Variants in KIF26B observed in about 807,000 individuals in gnomAD.
KIF26B encodes kinesin family member 26B, also known as kinesin-like protein KIF26B.
In KIF26B, 63 loss-of-function variants were observed where a neutral mutation model predicts 151.2. The observed-to-expected ratio is 0.42, with a 90% confidence interval of 0.34 to 0.51. The LOEUF (loss-of-function observed/expected upper bound fraction) is 0.51. Ranked by LOEUF, KIF26B falls within the 20% of genes least tolerant of loss-of-function variation. The probability of loss-of-function intolerance (pLI) is 0.07; values close to 1 mark genes in which losing one functional copy is unlikely to be tolerated. For missense variants in KIF26B, 2,813 were observed against 2,913.6 expected (o/e 0.97, Z 0.79); for synonymous variants, 1,357 against 1,262.1 (o/e 1.08, Z -1.59).
chr1:245,647,424 C>A (rs373683730), intron 10 of KIF26B, among the ~76,000 whole-genome samples: 261 of 96,492 alleles, frequency 2.7e-3, no homozygotes, highest in South Asian at 7.2e-3. Context: ...GACTCCTTCT[C>A]AAAAAAAAAA....
At chr1:245,173,581 G>A (rs1668751225) in intron 2 of KIF26B, among the ~76,000 whole-genome samples, 2 of 152,166 alleles carry the variant, frequency 1.3e-5, no homozygotes, top group Admixed American at 1.3e-4. Flanking sequence ...AAGAAGCTCA[G>A]TGAGGTTAGA....
At chr1:245,169,012 T>C (rs769918825) in intron 2 of KIF26B, among the ~76,000 whole-genome samples, 31 of 152,218 alleles carry the variant, frequency 2.0e-4, no homozygotes, top group Non-Finnish European at 4.0e-4. Context: ...ATTCAGGGAA[T>C]ATAGCTATTA....
chr1:245,550,445 G>A (rs1173735801), intron 5 of KIF26B, among the ~76,000 whole-genome samples: 1 of 152,210 alleles, frequency 6.6e-6, no homozygotes, highest in East Asian at 1.9e-4. Context: ...CTCCCAGGCC[G>A]ACCCTGGCTC....
chr1:245,172,573 G>A (rs1280712465), intron 2 of KIF26B, among the ~76,000 whole-genome samples: 2 of 152,148 alleles, frequency 1.3e-5, no homozygotes, highest in African/African-American at 2.4e-5. Context: ...AATTTAGGAG[G>A]CCGAGGCGGG....
intron 2 of KIF26B, among the ~76,000 whole-genome samples, chr1:245,165,160 G>C (rs1440107991): frequency 6.6e-6 from 1 of 152,008 alleles, no homozygotes; most frequent in Non-Finnish European, 1.5e-5. Context: ...GCCCCTTGCA[G>C]TGGCTTGAGT....
intron 2 of KIF26B, among the ~76,000 whole-genome samples, chr1:245,157,131 T>A (rs1040565244): frequency 3.9e-5 from 6 of 152,208 alleles, no homozygotes; most frequent in Non-Finnish European, 7.3e-5. Flanking sequence ...GTCCATCCTT[T>A]CCGCGGTTGC....
intron 6 of KIF26B, among the ~76,000 whole-genome samples, chr1:245,607,087 AAATG>A (rs2043463812): frequency 1.3e-5 from 2 of 151,542 alleles, no homozygotes; most frequent in African/African-American, 2.4e-5. Context: ...AAAAAAAAAA[AAATG>A]AGGAAGGTGT....
intron 10 of KIF26B, among the ~76,000 whole-genome samples, chr1:245,658,069 T>G (rs1352802811): frequency 6.6e-6 from 1 of 152,200 alleles, no homozygotes; most frequent in Non-Finnish European, 1.5e-5. Context: ...ACCACCTAAG[T>G]ATGTGTCCCC....
intron 5 of KIF26B, among the ~76,000 whole-genome samples, chr1:245,550,363 T>G (rs1200116703): frequency 1.3e-5 from 2 of 152,244 alleles, no homozygotes; most frequent in Non-Finnish European, 2.9e-5. Context: ...CGCTGAGTTC[T>G]TTTCTCCTGG....
intron 5 of KIF26B, among the ~76,000 whole-genome samples, chr1:245,599,012 C>T (rs1415457932): frequency 6.6e-6 from 1 of 152,076 alleles, no homozygotes; most frequent in African/African-American, 2.4e-5. Flanking sequence ...GGGGAGAAGG[C>T]CGTGCCTGTT....
chr1:245,274,223 T>C (rs1426296669), intron 2 of KIF26B, among the ~76,000 whole-genome samples: 3 of 152,152 alleles, frequency 2.0e-5, no homozygotes, highest in African/African-American at 7.2e-5. Context: ...TTTTTTATAC[T>C]TTTGTCTTTT....
intron 12 of KIF26B, among the ~76,000 whole-genome samples, chr1:245,697,490 C>G (rs1247443509): frequency 6.6e-6 from 1 of 152,174 alleles, no homozygotes; most frequent in Non-Finnish European, 1.5e-5. Flanking sequence ...GTAATGACAT[C>G]AAATGCTAGG....
chr1:245,268,521 T>A (rs1314427684), intron 2 of KIF26B, among the ~76,000 whole-genome samples: 3 of 120,392 alleles, frequency 2.5e-5, no homozygotes, highest in Non-Finnish European at 5.3e-5. Context: ...ATAATAAAGT[T>A]TTTTTTTTAA....
chr1:245,491,099 C>T (rs1361782841), intron 4 of KIF26B, among the ~76,000 whole-genome samples: 1 of 151,908 alleles, frequency 6.6e-6, no homozygotes, highest in South Asian at 2.1e-4. Context: ...TGGAGTTTGT[C>T]CCATGAGAAA....
At chr1:245,481,420 A>C (rs1420179609) in intron 4 of KIF26B, among the ~76,000 whole-genome samples, 5 of 151,864 alleles carry the variant, frequency 3.3e-5, no homozygotes, top group African/African-American at 1.2e-4. Context: ...ACAATATAAA[A>C]TATCAGGCTT....
rs2042985778 is a variant in KIF26B, at chr1:245,564,299, T to G, written c.1350+23349T>G. The stretch of plus-strand genomic sequence containing the variant: ...GGGAACAGATTCGACCTGGGCAGAA[T>G]GCTCTTCAGTTTGTTCCTATCTCTG... On this transcript the variant is annotated intron_variant, in intron 5 of 14. Coordinates refer to ENST00000407071, the MANE Select transcript of KIF26B (RefSeq NM_018012.4). The surrounding 1 kb of genome is among the most constrained non-coding windows in gnomAD (Gnocchi z 4.6). Among the ~76,000 whole-genome samples, 1 of 152,188 alleles carries G rather than the reference T, an allele frequency of 6.6e-6. No homozygotes were observed. The highest frequency in any genetic ancestry group is 1.5e-5 in the Non-Finnish European group (1 of 68,042).
At chr1:245,439,797 C>T (rs1572062044) in intron 4 of KIF26B, among the ~76,000 whole-genome samples, 1 of 152,238 alleles carries the variant, frequency 6.6e-6, no homozygotes, top group Admixed American at 6.5e-5. Flanking sequence ...AAGATTCAGC[C>T]TAAGATCACC....
chr1:245,527,558 G>A (rs947301191), intron 4 of KIF26B, among the ~76,000 whole-genome samples: 31 of 18,980 alleles, frequency 1.6e-3, no homozygotes, highest in African/African-American at 5.8e-3. Flanking sequence ...TTTTGAGATG[G>A]AGTCTGGCTA....
At position 245,655,377 on chromosome 1, in the gene KIF26B, T is replaced by C. The variant is rs192978993; in HGVS notation, c.2258+9097T>C. 1.3e-3 allele frequency among the ~76,000 whole-genome samples: 202 copies of C among 152,374 alleles called. 1 individual carries two copies. Among genetic ancestry groups the C allele is most frequent in the Non-Finnish European group, 1.6e-4 (11 of 68,038 alleles). Reference sequence around the variant, plus strand: ...CCCACGTGGTTCTGCCACCATCCTGTCTTCTGTGCATTCCTTGACTTTGAA... The same window carrying C: ...CCCACGTGGTTCTGCCACCATCCTGCCTTCTGTGCATTCCTTGACTTTGAA... On this transcript the variant is annotated intron_variant, in intron 10 of 14. Transcript: ENST00000407071.
Sources: gnomAD v4.1 joint callset for allele counts (sites outside exome capture counted in the v4.1 genomes callset) on GRCh38, gnomAD v4.1.1 for gene constraint, Gnocchi (gnomAD v3.1) non-coding constraint, MANE v1.5 for transcripts, NCBI Gene and HGNC (gene_info 2026-07-23, HGNC 2026-07-21) for gene names.